RAB38: variants seen among roughly 807,000 people sequenced by gnomAD.
The protein encoded by RAB38 is ras-related protein Rab-38.
RAB38 carries 15 observed loss-of-function variants against 18.4 expected under a neutral mutation model. The ratio of observed to expected loss-of-function variants is 0.82; its 90% CI spans 0.55 to 1.26. The LOEUF (loss-of-function observed/expected upper bound fraction) is 1.26, where lower values mean the gene tolerates loss of function less well. Ranked by LOEUF, RAB38 falls within the 50% of genes most tolerant of loss-of-function variation. RAB38 has a pLI of 0.00. For missense variants in RAB38, 294 were observed against 267.4 expected (o/e 1.10, Z -0.69); for synonymous variants, 101 against 104.4 (o/e 0.97, Z 0.20).
At chr11:88,020,571 C>T in the RAB38 span, among the ~76,000 whole-genome samples, 4 of 152,134 alleles carry the variant, frequency 2.6e-5, no homozygotes, top group South Asian at 4.1e-4. Flanking sequence ...AAAGAAACAT[C>T]GGACTTAATC....
At chr11:87,833,706 T>C in the RAB38 span, among the ~76,000 whole-genome samples, 1 of 152,224 alleles carries the variant, frequency 6.6e-6, no homozygotes, top group Non-Finnish European at 1.5e-5. Flanking sequence ...TCCTAAATGA[T>C]AGCTAACAGG....
chr11:88,150,994 G>T (rs1225222207), intron 1 of RAB38, among the ~76,000 whole-genome samples: 1 of 152,150 alleles, frequency 6.6e-6, no homozygotes, highest in Admixed American at 6.5e-5. Context: ...TATTGGATAA[G>T]AAAAGCTCTC....
At chr11:87,804,676 C>A in the RAB38 span, among the ~76,000 whole-genome samples, 1 of 151,982 alleles carries the variant, frequency 6.6e-6, no homozygotes, top group Admixed American at 6.6e-5. Flanking sequence ...CTTATGGTGC[C>A]CTCCAAAACT....
chr11:87,826,334 A>C, the RAB38 span, among the ~76,000 whole-genome samples: 2 of 152,012 alleles, frequency 1.3e-5, no homozygotes, highest in African/African-American at 4.8e-5. Context: ...ATTTATTGTA[A>C]AAAATTTGAA....
the RAB38 span, among the ~76,000 whole-genome samples, chr11:88,043,084 T>C: frequency 6.6e-6 from 1 of 152,188 alleles, no homozygotes; most frequent in East Asian, 1.9e-4. Context: ...GTAACAAGTA[T>C]GAGACACACT....
At chr11:87,950,120 A>G in the RAB38 span, among the ~76,000 whole-genome samples, 2 of 152,126 alleles carry the variant, frequency 1.3e-5, no homozygotes, top group Non-Finnish European at 2.9e-5. Context: ...CTTCTTGTTG[A>G]ATTGATCCCT....
the RAB38 span, among the ~76,000 whole-genome samples, chr11:88,027,937 CTGACCCA>C: frequency 3.0e-4 from 45 of 152,326 alleles, no homozygotes; most frequent in African/African-American, 1.0e-3. Flanking sequence ...AAGTGGGTCC[CTGACCCA>C]TGACCCCTGA....
At chr11:88,023,434 G>A in the RAB38 span, among the ~76,000 whole-genome samples, 17 of 151,284 alleles carry the variant, frequency 1.1e-4, no homozygotes, top group African/African-American at 3.9e-4. Context: ...CCATGTTAAT[G>A]GACTGGAAGA....
chr11:88,066,363 G>A, the RAB38 span, among the ~76,000 whole-genome samples: 2 of 152,120 alleles, frequency 1.3e-5, no homozygotes, highest in African/African-American at 4.8e-5. Flanking sequence ...CATCACCCTA[G>A]CTAAACATTT....
chr11:87,960,452 A>G, the RAB38 span, among the ~76,000 whole-genome samples: 1 of 152,192 alleles, frequency 6.6e-6, no homozygotes, highest in South Asian at 2.1e-4. Flanking sequence ...GACTGAAGCA[A>G]AGGGAGCAAG....
the RAB38 span, among the ~76,000 whole-genome samples, chr11:87,975,062 G>A: frequency 1.3e-5 from 2 of 151,762 alleles, no homozygotes; most frequent in East Asian, 1.9e-4. Flanking sequence ...AGCAATCCTT[G>A]GCATTCCTTA....
the RAB38 span, among the ~76,000 whole-genome samples, chr11:87,810,359 T>C: frequency 9.2e-5 from 14 of 152,200 alleles, no homozygotes; most frequent in Non-Finnish European, 1.8e-4. Flanking sequence ...TAGCGGGGAC[T>C]ATAGGCATGC....
chr11:88,089,893 A>G, the RAB38 span, among the ~76,000 whole-genome samples: 1 of 151,968 alleles, frequency 6.6e-6, no homozygotes. Flanking sequence ...TTTCTTGGTC[A>G]GTAGAAGGTA....
At chr11:88,126,746 T>C (rs992260767) in intron 2 of RAB38, among the ~76,000 whole-genome samples, 25 of 152,172 alleles carry the variant, frequency 1.6e-4, no homozygotes, top group African/African-American at 6.0e-4. Flanking sequence ...GCTCTGTGTA[T>C]TGCCACTCGT....
intron 2 of RAB38, among the ~76,000 whole-genome samples, chr11:88,147,719 C>T (rs1241717846): frequency 2.0e-5 from 3 of 151,944 alleles, no homozygotes; most frequent in Non-Finnish European, 4.4e-5. Context: ...AGTGAAACCA[C>T]ATCTCTACTA....
At chr11:88,111,637 A>C (rs1418180168), downstream of RAB38, among the ~76,000 whole-genome samples, 1 of 152,196 alleles carries the variant, frequency 6.6e-6, no homozygotes, top group Non-Finnish European at 1.5e-5. Context: ...CAAATATGCC[A>C]GCACCATTTA....
At chr11:87,909,493 G>A in the RAB38 span, among the ~76,000 whole-genome samples, 12 of 151,736 alleles carry the variant, frequency 7.9e-5, no homozygotes, top group Non-Finnish European at 1.3e-4. Flanking sequence ...TCTTGTTAAG[G>A]TATAATTGAC....
At chr11:88,115,311 C>A (rs1368364173) in intron 2 of RAB38, among the ~76,000 whole-genome samples, 2 of 152,196 alleles carry the variant, frequency 1.3e-5, no homozygotes, top group Non-Finnish European at 2.9e-5. Flanking sequence ...GTTGTCCAAT[C>A]TGAAGTGGAA....
At chr11:87,920,729 T>C in the RAB38 span, among the ~76,000 whole-genome samples, 1 of 152,060 alleles carries the variant, frequency 6.6e-6, no homozygotes, top group Admixed American at 6.6e-5. Context: ...TTACTGAACA[T>C]GGGGTATTGA....
Sources: allele counts gnomAD v4.1 joint callset (sites outside exome capture counted in the v4.1 genomes callset), GRCh38; gene constraint gnomAD v4.1.1; transcripts MANE v1.5; gene names NCBI Gene and HGNC (gene_info 2026-07-23, HGNC 2026-07-21).